The following MYH1 variants were observed in gnomAD, a reference collection of about 807,000 sequenced individuals.
The protein encoded by MYH1 is myosin heavy chain 1.
Under a neutral mutation model 225.6 loss-of-function variants are expected in MYH1, and 214 were observed. That is an observed-to-expected ratio of 0.95 (90% CI 0.85 to 1.06). The LOEUF is 1.06. MYH1 is among the 50% of genes least tolerant of loss of function. The probability of loss-of-function intolerance (pLI) is 0.00; values close to 1 mark genes in which losing one functional copy is unlikely to be tolerated. For synonymous variants in MYH1, 774 were observed against 842.3 expected (o/e 0.92, Z 1.40); for missense variants, 2,098 against 2,344.2 (o/e 0.89, Z 2.17).
chr17:10,513,589 C>T (rs2073193622), intron 9 of MYH1, 37 bp downstream of exon 9: 1 of 1,589,900 alleles, frequency 6.3e-7, no homozygotes, highest in African/African-American at 1.3e-5. Flanking sequence ...CAATATTTGT[C>T]ATTCTTGGAT....
At chr17:10,500,892 G>T in intron 27 of MYH1, 140 bp from the exon 28 acceptor site, 1 of 1,379,440 alleles carries the variant, frequency 7.2e-7, no homozygotes, top group Non-Finnish European at 9.9e-7. Flanking sequence ...ACCAGCAAAG[G>T]TCTTAGATAG....
Position 10,514,143 on chromosome 17 carries a change from A to G in MYH1, c.534-19T>C, listed in dbSNP as rs770499330. On this transcript the variant is annotated intron_variant, in intron 6 of 39. Coordinates refer to ENST00000226207, the MANE Select transcript of MYH1 (RefSeq NM_005963.4). ...TTCTCCGCTGTCAAAGACCAAACGT[A>G]TGAGAAATTAAGCACTGTGACAAAT... The G allele has an allele frequency of 8.7e-6, 14 of 1,612,846 alleles. No individual in the cohort carries two copies. Among genetic ancestry groups the G allele is most frequent in the Admixed American group, 3.3e-5 (2 of 59,992 alleles).
At chr17:10,514,974 A>T in intron 5 of MYH1, 79 bp from the exon 6 acceptor site, 5 of 1,258,870 alleles carry the variant, frequency 4.0e-6, no homozygotes, top group Non-Finnish European at 5.8e-6. Flanking sequence ...AGGGCATTTG[A>T]GTATAAGTGT....
intron 30 of MYH1, among the ~76,000 whole-genome samples, 196 bp from the exon 31 acceptor site, chr17:10,498,113 T>G (rs2073015112): frequency 6.6e-6 from 1 of 152,268 alleles, no homozygotes; most frequent in Admixed American, 6.5e-5. Flanking sequence ...GTTTTGGTAT[T>G]GCCATACTTC....
chr17:10,516,729 T>C lies in MYH1; in HGVS notation c.-40-47A>G, dbSNP rs569974235. The C allele has an allele frequency of 8.1e-4, 1,221 of 1,507,862 alleles. 6 individuals are homozygous for C. Among genetic ancestry groups the C allele is most frequent in the South Asian group, 5.2e-3 (434 of 83,008 alleles). 93.4% of individuals were successfully genotyped at this position (1,507,862 alleles called of 1,614,324 possible). A position where few individuals can be genotyped will look rare whatever the true frequency, so the allele number is the denominator to read the frequency against. ...TTGTAGAAATTAAGAAACTGGACCA[T>C]TAGATTCACATTTAAAACTTTAAAA... On this transcript the variant is annotated intron_variant, in intron 2 of 39. Coordinates refer to ENST00000226207, the MANE Select transcript of MYH1 (RefSeq NM_005963.4).
chr17:10,505,379 GAAT>G lies in MYH1; in HGVS notation c.2298+6_2298+8del. Reference sequence around the variant, plus strand: ...GGAATAGCATCAGGTAGGATTTACAGAATATTACCTTGGTGTGACCAAATTTAT... The same window carrying G: ...GGAATAGCATCAGGTAGGATTTACAGATTACCTTGGTGTGACCAAATTTAT... On this transcript the variant is annotated splice_donor_region_variant and intron_variant, in intron 20 of 39. Coordinates refer to ENST00000226207, the MANE Select transcript of MYH1 (RefSeq NM_005963.4). 1 of 1,614,222 alleles carries G rather than the reference GAAT, an allele frequency of 6.2e-7. No individual in the cohort carries two copies. Among genetic ancestry groups the G allele is most frequent in the Non-Finnish European group, 8.5e-7 (1 of 1,180,038 alleles).
At position 10,495,229 on chromosome 17, in the gene MYH1, C is replaced by T. The variant is rs778397124; in HGVS notation, c.5258G>A (p.Arg1753His). The T allele has an allele frequency of 8.1e-6, 13 of 1,614,076 alleles. No individual in the cohort carries two copies. Among genetic ancestry groups the T allele is most frequent in the African/African-American group, 5.3e-5 (4 of 74,920 alleles). The change falls in exon 36 of 40, where the codon CGC becomes CAC. Residue 1753 changes from arginine (R) to histidine (H), a missense_variant. Coordinates refer to ENST00000226207, the MANE Select transcript of MYH1 (RefSeq NM_005963.4). ...GEMEDIIQEA[R>H]NAEEKAKKAI... ...CTTCTTGGCCTTCTCTTCTGCATTGCGGGCTTCCTGGATGATGTCTTCCAT... is the reference window on the plus strand; with the variant it reads ...CTTCTTGGCCTTCTCTTCTGCATTGTGGGCTTCCTGGATGATGTCTTCCAT...
intron 9 of MYH1, 26 bp from the exon 10 acceptor site, chr17:10,512,991 T>C: frequency 6.6e-7 from 1 of 1,516,132 alleles, no homozygotes; most frequent in East Asian, 2.3e-5. Flanking sequence ...GACATCAGAT[T>C]ATGGGGAAAA....
Position 10,507,902 on chromosome 17 carries a change from A to C in MYH1, c.1952T>G (p.Val651Gly). ...GKKKGSSFQT[V>G]SALFRENLNK... ...AGTTTGTACCCTGAAGAGAGCAGAC[A>C]CAGTCTGGAAAGAAGAACCCTTCTT... Residue 651 changes from valine (V) to glycine (G), a missense_variant, in exon 17 of 40, where the codon GTG (valine) becomes GGG (glycine). Coordinates refer to ENST00000226207, the MANE Select transcript of MYH1 (RefSeq NM_005963.4). 1.2e-6 allele frequency: 2 copies of C among 1,613,688 alleles called. No individual in the cohort carries two copies. The highest frequency in any genetic ancestry group is 1.1e-5 in the South Asian group (1 of 91,058).
chr17:10,504,673 T>C (rs2073091301), intron 22 of MYH1, 137 bp downstream of exon 22: 3 of 1,032,464 alleles, frequency 2.9e-6, no homozygotes, highest in African/African-American at 1.6e-5. Flanking sequence ...GGGAATTCTA[T>C]AGAACATTCT....
intron 2 of MYH1, 60 bp downstream of exon 2, chr17:10,518,180 C>T (rs1423231693): frequency 6.6e-6 from 1 of 151,732 alleles, no homozygotes; most frequent in African/African-American, 2.4e-5. Flanking sequence ...CTGTCCAAAC[C>T]ACTGCAGAAG....
chr17:10,517,075 T>C (rs546693944), intron 2 of MYH1, among the ~76,000 whole-genome samples: 5 of 152,358 alleles, frequency 3.3e-5, no homozygotes, highest in Admixed American at 1.3e-4. Context: ...TATAAGCACC[T>C]TGCAGGCAGG....
chr17:10,497,552 GA>G (rs563500749), intron 31 of MYH1, 100 bp from the exon 32 acceptor site: 27 of 1,496,590 alleles, frequency 1.8e-5, no homozygotes, highest in African/African-American at 8.5e-5. Context: ...TTCTGGGACT[GA>G]AAAAAAATTA....
intron 2 of MYH1, 36 bp from the exon 3 acceptor site, chr17:10,516,718 A>G (rs3764853): frequency 0.057 from 87,524 of 1,546,078 alleles, 2,895 homozygotes; most frequent in South Asian, 0.11. Context: ...AGAAATTAAG[A>G]AACTGGACCA....
At chr17:10,509,200 A>C (rs1033095270) in intron 15 of MYH1, among the ~76,000 whole-genome samples, 1 of 152,228 alleles carries the variant, frequency 6.6e-6, no homozygotes, top group Non-Finnish European at 1.5e-5. Flanking sequence ...GACAAAAAAC[A>C]GTAAGTAAAA....
rs111788258 is a variant in MYH1, at chr17:10,516,634, G to A, written c.9C>T (p.Ser3=). The change falls in exon 3 of 40, where the codon TCC becomes TCT. Residue 3 remains serine, a synonymous_variant. Coordinates refer to ENST00000226207, the MANE Select transcript of MYH1 (RefSeq NM_005963.4). MS[S]DSEMAIFGEA... is the part of the protein sequence containing the mutation. ...CCCCAAAAATGGCCATCTCAGAGTC[G>A]GAACTCATGGCTGCAGGTTATTGAT... The A allele has an allele frequency of 1.2e-5, 20 of 1,614,072 alleles. No homozygotes were observed. The highest frequency in any genetic ancestry group is 5.3e-5 in the African/African-American group (4 of 74,916).
In MYH1 at chr17:10,518,251, G is replaced by A. The variant is rs1001431953; in HGVS notation, c.-52C>T. The stretch of plus-strand genomic sequence containing the variant: ...AATCAGAATCTTACCGTAGAGATGC[G>A]ACCTTAAAGTGGATCAGAACTGTAA... On this transcript the variant is annotated 5_prime_UTR_variant, in exon 2 of 40. Coordinates refer to ENST00000226207, the MANE Select transcript of MYH1 (RefSeq NM_005963.4). 1.3e-5 allele frequency: 2 copies of A among 151,810 alleles called. No homozygotes were observed. The highest frequency in any genetic ancestry group is 2.9e-5 in the Non-Finnish European group (2 of 68,012). 9.4% of individuals were successfully genotyped at this position (151,810 alleles called of 1,614,324 possible). A position where few individuals can be genotyped will look rare whatever the true frequency, so the allele number is the denominator to read the frequency against.
chr17:10,504,995 G>C lies in MYH1; in HGVS notation c.2506C>G (p.Leu836Val), dbSNP rs751228411. The part of the protein sequence containing the change: ...MNVKHWPWMK[L>V]YFKIKPLLKS... Reference sequence around the variant, plus strand: ...AGGAGGGGTTTGATCTTGAAATACAGCTTCATCCAGGGCCAGTGCTTCACA... The same window carrying C: ...AGGAGGGGTTTGATCTTGAAATACACCTTCATCCAGGGCCAGTGCTTCACA... Residue 836 changes from leucine (L) to valine (V), a missense_variant, in exon 22 of 40, where the codon CTG becomes GTG. Coordinates refer to ENST00000226207, the MANE Select transcript of MYH1 (RefSeq NM_005963.4). The C allele has an allele frequency of 3.1e-6, 5 of 1,614,026 alleles. No homozygotes were observed. Among genetic ancestry groups the C allele is most frequent in the Non-Finnish European group, 4.2e-6 (5 of 1,180,040 alleles).
intron 15 of MYH1, 43 bp downstream of exon 15, chr17:10,509,442 C>A (rs370236868): frequency 6.2e-7 from 1 of 1,613,388 alleles, no homozygotes; most frequent in East Asian, 2.2e-5. Flanking sequence ...CTTTTAAATA[C>A]TGTACAGCAG....
Sources: gnomAD v4.1 joint callset for allele counts (sites outside exome capture counted in the v4.1 genomes callset) on GRCh38, gnomAD v4.1.1 for gene constraint, MANE v1.5 for transcripts, NCBI Gene and HGNC (gene_info 2026-07-23, HGNC 2026-07-21) for gene names.